TTLL9: variants seen among roughly 807,000 people sequenced by gnomAD.
TTLL9 encodes probable tubulin polyglutamylase TTLL9.
A neutral mutation model predicts 65.6 loss-of-function variants in TTLL9; 47 were observed. The ratio of observed to expected loss-of-function variants is 0.72; its 90% CI spans 0.57 to 0.91. The LOEUF (loss-of-function observed/expected upper bound fraction) is 0.91, where lower values mean the gene tolerates loss of function less well. Ranked by LOEUF, TTLL9 falls within the 40% of genes least tolerant of loss-of-function variation. The pLI is 0.00. For synonymous variants in TTLL9, 179 were observed against 204.8 expected, an observed-to-expected ratio of 0.87 and a Z score of 1.07; for missense variants, 537 against 568.8, an observed-to-expected ratio of 0.94 and a Z score of 0.57.
At chr20:31,937,163 C>T (rs1328143780) in intron 12 of TTLL9, among the ~76,000 whole-genome samples, 1 of 150,332 alleles carries the variant, frequency 6.7e-6, no homozygotes, top group East Asian at 1.9e-4. Context: ...AATCCCAGCA[C>T]TTCGGGAGGC....
intron 4 of TTLL9, chr20:31,901,427 T>C (rs2063478609): frequency 6.6e-6 from 1 of 152,228 alleles, no homozygotes; most frequent in Non-Finnish European, 1.5e-5. Flanking sequence ...GAATCTCCAC[T>C]GACCTTGTTA....
chr20:31,925,818 G>GTGCCTGTATATAT (rs1481972649), intron 9 of TTLL9: 7 of 1,477,474 alleles, frequency 4.7e-6, no homozygotes, highest in Non-Finnish European at 6.5e-6. Context: ...CGGTGTGAGA[G>GTGCCTGTATATAT]TGCCTGTATA....
intron 2 of TTLL9, among the ~76,000 whole-genome samples, chr20:31,883,325 G>C (rs149574756): frequency 2.0e-3 from 304 of 151,630 alleles, no homozygotes; most frequent in Non-Finnish European, 2.2e-3. Flanking sequence ...AGCCTCCCAA[G>C]TAGCTGGGAT....
chr20:31,908,468 G>A (rs1426796854), intron 4 of TTLL9, 123 bp from the exon 5 acceptor site: 1 of 655,626 alleles, frequency 1.5e-6, no homozygotes, highest in Non-Finnish European at 2.8e-6. Context: ...ACCTCCAAGA[G>A]ACTCTAGAGG....
intron 2 of TTLL9, among the ~76,000 whole-genome samples, chr20:31,881,304 G>A (rs1438784394): frequency 6.6e-6 from 1 of 152,118 alleles, no homozygotes; most frequent in Non-Finnish European, 1.5e-5. Context: ...GCTGCTCTGG[G>A]ATCTAATCTG....
chr20:31,919,202 G>A (rs951300686), intron 6 of TTLL9, among the ~76,000 whole-genome samples: 4 of 152,230 alleles, frequency 2.6e-5, no homozygotes, highest in East Asian at 1.9e-4. Context: ...GGCTGTGAAC[G>A]TTCCATTGCA....
At chr20:31,876,400 C>T (rs111440678) in intron 2 of TTLL9, among the ~76,000 whole-genome samples, 18,697 of 152,132 alleles carry the variant, frequency 0.12, 1,378 homozygotes, top group Middle Eastern at 0.24. Flanking sequence ...GAGCCAAGAT[C>T]GTACCATTGC....
At chr20:31,907,029 C>T (rs186063279) in intron 4 of TTLL9, among the ~76,000 whole-genome samples, 1 of 152,098 alleles carries the variant, frequency 6.6e-6, no homozygotes, top group African/African-American at 2.4e-5. Context: ...TAGAATAACT[C>T]GACCCCTATG....
At chr20:31,915,926 C>T (rs562794937) in intron 6 of TTLL9, among the ~76,000 whole-genome samples, 159 of 152,302 alleles carry the variant, frequency 1.0e-3, no homozygotes, top group Non-Finnish European at 1.9e-3. Flanking sequence ...AACATAGTGA[C>T]TTGAAACAAC....
chr20:31,877,569 A>G lies in TTLL9; in HGVS notation c.69+6374A>G, dbSNP rs139171751. Among the ~76,000 whole-genome samples the G allele has an allele frequency of 4.2e-3, 638 of 152,294 alleles. 6 individuals are homozygous for G. Among genetic ancestry groups the G allele is most frequent in the African/African-American group, 0.015 (605 of 41,552 alleles). ...TAAATATAACATGTATATGTCTTAA[A>G]TATTTGTTATATTTATTTAATCCAT... On this transcript the variant is annotated intron_variant, in intron 2 of 14. Coordinates refer to ENST00000535842, the MANE Select transcript of TTLL9 (RefSeq NM_001008409.5).
chr20:31,876,571 T>C (rs976004740), intron 2 of TTLL9, among the ~76,000 whole-genome samples: 3 of 152,232 alleles, frequency 2.0e-5, no homozygotes, highest in Non-Finnish European at 2.9e-5. Flanking sequence ...CTTATACATA[T>C]GACCTATGTA....
rs577973822 is a variant in TTLL9 at position 31,943,656 on chromosome 20, C to A, written c.*635C>A. On this transcript the variant is annotated 3_prime_UTR_variant, in exon 15 of 15. Transcript: ENST00000535842. ...TCATCTGAAAACCAGTGGGACAGGG[C>A]ATCCCCATTTCTCAGATGGACAAGA... 8 of 449,474 alleles carry A rather than the reference C, an allele frequency of 1.8e-5. 1 individual carries two copies. The highest frequency in any genetic ancestry group is 8.0e-5 in the African/African-American group (4 of 49,992). The allele number at this position is 449,474 out of a possible 1,614,324, so 27.8% of individuals were successfully genotyped here.
intron 12 of TTLL9, among the ~76,000 whole-genome samples, chr20:31,936,990 C>G (rs138050728): frequency 6.7e-6 from 1 of 150,106 alleles, no homozygotes; most frequent in Non-Finnish European, 1.5e-5. Context: ...CCCAGCTATT[C>G]GGGAGGCTGA....
intron 8 of TTLL9, 49 bp from the exon 9 acceptor site, chr20:31,924,960 C>G: frequency 6.2e-7 from 1 of 1,607,572 alleles, no homozygotes; most frequent in Non-Finnish European, 8.5e-7. Context: ...AGCACAATGT[C>G]TGACGATCAA....
At chr20:31,939,297 A>AG in intron 14 of TTLL9, 31 bp downstream of exon 14, 1 of 1,611,922 alleles carries the variant, frequency 6.2e-7, no homozygotes, top group Admixed American at 1.7e-5. Context: ...AGTGGGCACA[A>AG]GGGATGGGGT....
chr20:31,922,919 T>C (rs762083758), intron 7 of TTLL9, 44 bp from the exon 8 acceptor site: 1 of 1,514,156 alleles, frequency 6.6e-7, no homozygotes, highest in Admixed American at 1.7e-5. Context: ...ACACAGGAAA[T>C]GTTCCATAAA....
At chr20:31,914,581 A>T (rs2063705622) in intron 6 of TTLL9, among the ~76,000 whole-genome samples, 1 of 152,232 alleles carries the variant, frequency 6.6e-6, no homozygotes, top group Non-Finnish European at 1.5e-5. Context: ...AGACAAAATT[A>T]AACAGTTTGG....
rs879515197 is a variant in TTLL9 at position 31,927,213 on chromosome 20, G to A, written c.748+1122G>A. On this transcript the variant is annotated intron_variant, in intron 10 of 14. Transcript: ENST00000535842. ...GAACAGACAAGAAGCTGGGTGCAGCGGCTCACACCTGTAATCCCAGCACTT... is the reference window on the plus strand; with the variant it reads ...GAACAGACAAGAAGCTGGGTGCAGCAGCTCACACCTGTAATCCCAGCACTT... Among the ~76,000 whole-genome samples, 19 of 151,932 alleles carry A rather than the reference G, an allele frequency of 1.3e-4. No individual in the cohort carries two copies. In the East Asian group the frequency reaches 2.1e-3, roughly 17 times the overall value.
In TTLL9 at chr20:31,898,241, TG is replaced by T. The variant is rs969324554; in HGVS notation, c.114-230del. ...ACATGGAAAGCAACCAGACCATGCC[TG>T]GCACATAGTAGGCTTGGATACAATG... is the stretch of plus-strand genomic sequence containing the variant. On this transcript the variant is annotated intron_variant, in intron 3 of 14. Coordinates refer to ENST00000535842, the MANE Select transcript of TTLL9 (RefSeq NM_001008409.5). Among the ~76,000 whole-genome samples the T allele has an allele frequency of 7.9e-5, 12 of 152,346 alleles. No individual in the cohort carries two copies. The South Asian group carries it at 1.0e-3, about 13-fold the overall frequency.
Sources: gnomAD v4.1 joint callset for allele counts (sites outside exome capture counted in the v4.1 genomes callset) on GRCh38, gnomAD v4.1.1 for gene constraint, MANE v1.5 for transcripts, NCBI Gene and HGNC (gene_info 2026-07-23, HGNC 2026-07-21) for gene names.